The following ADAMTS17 variants were observed in gnomAD, a reference collection of about 807,000 sequenced individuals.
ADAMTS17 encodes the protein A disintegrin and metalloproteinase with thrombospondin motifs 17.
Under a neutral mutation model 141.5 loss-of-function variants are expected in ADAMTS17, and 113 were observed. The ratio of observed to expected loss-of-function variants is 0.80; its 90% CI spans 0.69 to 0.93. The LOEUF is 0.93. Ranked by LOEUF, ADAMTS17 falls within the 40% of genes least tolerant of loss-of-function variation. The pLI is 0.00. For synonymous variants in ADAMTS17, 768 were observed against 630.6 expected, an observed-to-expected ratio of 1.22 and a Z score of -3.27; for missense variants, 1,659 against 1,517.9, an observed-to-expected ratio of 1.09 and a Z score of -1.54.
At chr15:100,290,481 A>C (rs560129367) in intron 3 of ADAMTS17, among the ~76,000 whole-genome samples, 6 of 152,342 alleles carry the variant, frequency 3.9e-5, no homozygotes, top group African/African-American at 1.4e-4. Flanking sequence ...TACCAAAGAC[A>C]TTCTTCACAG....
chr15:100,025,069 T>A (rs1262608679), intron 18 of ADAMTS17, among the ~76,000 whole-genome samples: 1 of 152,232 alleles, frequency 6.6e-6, no homozygotes, highest in Non-Finnish European at 1.5e-5. Context: ...GCTAATGTTG[T>A]CTCCTATAGC....
At chr15:100,325,889 T>C (rs1366721993) in intron 3 of ADAMTS17, among the ~76,000 whole-genome samples, 1 of 152,222 alleles carries the variant, frequency 6.6e-6, no homozygotes, top group Non-Finnish European at 1.5e-5. Flanking sequence ...GAGAGAAGCC[T>C]GGAACAGATC....
At chr15:99,996,352 G>A (rs1271335547) in intron 19 of ADAMTS17, among the ~76,000 whole-genome samples, 1 of 152,078 alleles carries the variant, frequency 6.6e-6, no homozygotes, top group East Asian at 1.9e-4. Context: ...CTAGAGTACT[G>A]GAAAGGGGAG....
intron 7 of ADAMTS17, among the ~76,000 whole-genome samples, chr15:100,211,235 G>GCA (rs1482441105): frequency 1.7e-4 from 25 of 147,370 alleles, no homozygotes; most frequent in Non-Finnish European, 3.3e-4. Flanking sequence ...GGTGGAGGTT[G>GCA]CAGTGAGTTG....
chr15:100,112,880 CTGGAGGTT>C (rs1157043338), intron 13 of ADAMTS17, among the ~76,000 whole-genome samples: 1 of 152,142 alleles, frequency 6.6e-6, no homozygotes, highest in Non-Finnish European at 1.5e-5. Flanking sequence ...CATGTGCCCG[CTGGAGGTT>C]TGGAACATTC....
rs78188660 is a variant in ADAMTS17 at position 100,063,476 on chromosome 15, C to T, written c.2138-9422G>A. ...CTTCCATCATTTTCCTTCCTGTTCCCGCCCCTAATCCACCATGGGGGTGGC... is the reference window on the plus strand; with the variant it reads ...CTTCCATCATTTTCCTTCCTGTTCCTGCCCCTAATCCACCATGGGGGTGGC... On this transcript the variant is annotated intron_variant, in intron 15 of 21. Transcript: ENST00000268070. 1,394 of 367,028 alleles carry T rather than the reference C, an allele frequency of 3.8e-3. 16 individuals are homozygous for T. Among genetic ancestry groups the T allele is most frequent in the African/African-American group, 0.026 (1,236 of 47,430 alleles). The allele number at this position is 367,028 out of a possible 1,614,324, so 22.7% of individuals were successfully genotyped here.
At chr15:100,178,012 A>G (rs941827905) in intron 8 of ADAMTS17, among the ~76,000 whole-genome samples, 1 of 152,000 alleles carries the variant, frequency 6.6e-6, no homozygotes, top group African/African-American at 2.4e-5. Flanking sequence ...TGTTTTCATG[A>G]TGTATTTTTT....
At chr15:100,039,006 C>T (rs1261369152) in intron 18 of ADAMTS17, among the ~76,000 whole-genome samples, 1 of 152,194 alleles carries the variant, frequency 6.6e-6, no homozygotes, top group Non-Finnish European at 1.5e-5. Context: ...GGACTTTGTC[C>T]ACTTTCTGTA....
chr15:100,217,933 T>C (rs1248531526), intron 7 of ADAMTS17, among the ~76,000 whole-genome samples: 1 of 152,230 alleles, frequency 6.6e-6, no homozygotes, highest in Non-Finnish European at 1.5e-5. Flanking sequence ...AGTGCTGGAC[T>C]GCAGTGCTAC....
At chr15:100,105,967 A>G (rs1161914970) in intron 14 of ADAMTS17, among the ~76,000 whole-genome samples, 1 of 151,832 alleles carries the variant, frequency 6.6e-6, no homozygotes, top group Non-Finnish European at 1.5e-5. Context: ...CTGGGATTAT[A>G]GGCGTGTGCC....
rs145429538 is a variant in ADAMTS17 at position 100,069,827 on chromosome 15, T to C, written c.2138-15773A>G. Among the ~76,000 whole-genome samples, 777 of 150,388 alleles carry C rather than the reference T, an allele frequency of 5.2e-3. 56 individuals carry two copies. Among genetic ancestry groups the C allele is most frequent in the Middle Eastern group, 0.031 (9 of 290 alleles). On this transcript the variant is annotated intron_variant, in intron 15 of 21. Coordinates refer to ENST00000268070, the MANE Select transcript of ADAMTS17 (RefSeq NM_139057.4). ...AAGACCATCAAGGCTAGGAAGAAAC[T>C]GCACCAACTAACGAGCAAAATATCC...
intron 18 of ADAMTS17, among the ~76,000 whole-genome samples, chr15:100,023,290 C>T (rs1220492647): frequency 1.3e-5 from 2 of 151,900 alleles, no homozygotes; most frequent in African/African-American, 4.8e-5. Flanking sequence ...CAACCTCTGT[C>T]TCCTGGGTTC....
chr15:100,069,174 G>A (rs1010923030), intron 15 of ADAMTS17, among the ~76,000 whole-genome samples: 2 of 152,266 alleles, frequency 1.3e-5, no homozygotes, highest in Non-Finnish European at 2.9e-5. Context: ...AAAATGAAGC[G>A]AGAAGAGAAG....
chr15:100,292,370 G>A (rs2044667936), intron 3 of ADAMTS17, among the ~76,000 whole-genome samples: 1 of 149,354 alleles, frequency 6.7e-6, no homozygotes, highest in South Asian at 2.1e-4. Context: ...GTGAAATTAC[G>A]AGAGATGCTC....
In ADAMTS17 at chr15:100,281,338, C is replaced by A. The variant is rs765469997; in HGVS notation, c.680G>T (p.Arg227Leu). The A allele has an allele frequency of 6.2e-7, 1 of 1,610,682 alleles. No individual in the cohort carries two copies. ...CTCCACCGTGTGCTCGCTGGTGAGC[C>A]GGATAGCGTTCCTCCGCTCCCGCCA... is the stretch of plus-strand genomic sequence containing the variant. ...RDWRERRNAI[R>L]LTSEHTVETL... Residue 227 changes from arginine to leucine, a missense_variant, in exon 4 of 22, where the codon CGG becomes CTG. Coordinates refer to ENST00000268070, the MANE Select transcript of ADAMTS17 (RefSeq NM_139057.4).
Position 100,231,389 on chromosome 15 carries a change from A to C in ADAMTS17, c.1075+22747T>G, listed in dbSNP as rs547025629. ...TTAAAGACAATTCCCAGTGTGCATA[A>C]GCTTCTTATTTCATAAACCAGCCAC... On this transcript the variant is annotated intron_variant, in intron 7 of 21. Transcript: ENST00000268070. Among the ~76,000 whole-genome samples, 4 of 152,268 alleles carry C rather than the reference A, an allele frequency of 2.6e-5. No individual in the cohort carries two copies. The South Asian group carries it at 8.3e-4, about 32-fold the overall frequency.
intron 12 of ADAMTS17, among the ~76,000 whole-genome samples, chr15:100,124,049 T>C (rs1469872251): frequency 6.6e-6 from 1 of 151,898 alleles, no homozygotes; most frequent in African/African-American, 2.4e-5. Flanking sequence ...CTATAACCTC[T>C]GCCTCCTGGG....
chr15:100,136,749 CAA>C, intron 10 of ADAMTS17, among the ~76,000 whole-genome samples: 1 of 152,172 alleles, frequency 6.6e-6, no homozygotes, highest in Non-Finnish European at 1.5e-5. Flanking sequence ...TCAAGACCCT[CAA>C]CTGAAATGAT....
At chr15:100,304,369 AT>A (rs964572533) in intron 3 of ADAMTS17, among the ~76,000 whole-genome samples, 2 of 152,072 alleles carry the variant, frequency 1.3e-5, no homozygotes, top group African/African-American at 4.8e-5. Context: ...TGCTAGTATA[AT>A]TTTTTTAACC....
Sources: allele counts gnomAD v4.1 joint callset (sites outside exome capture counted in the v4.1 genomes callset), GRCh38; gene constraint gnomAD v4.1.1; transcripts MANE v1.5; gene names NCBI Gene and HGNC (gene_info 2026-07-23, HGNC 2026-07-21).